PRP4K: variants seen among roughly 807,000 people sequenced by gnomAD.
The protein encoded by PRP4K is pre-mRNA processing factor kinase PRP4K, also known as serine/threonine-protein kinase PRP4 homolog.
chr6:4,039,869 T>C, the PRP4K span, among the ~76,000 whole-genome samples: 4 of 137,980 alleles, frequency 2.9e-5, no homozygotes, highest in African/African-American at 1.1e-4. Flanking sequence ...ATCTTTCTCT[T>C]TTCTCTCTCT....
At chr6:4,032,055 A>G in the PRP4K span, 2 of 1,614,048 alleles carry the variant, frequency 1.2e-6, no homozygotes, top group Admixed American at 1.7e-5. Context: ...TAAAATTACT[A>G]CAAAGAAACG....
At chr6:4,045,350 C>T in the PRP4K span, among the ~76,000 whole-genome samples, 5 of 152,232 alleles carry the variant, frequency 3.3e-5, no homozygotes, top group South Asian at 2.1e-4. Context: ...TATAGTTTAC[C>T]GACTCCTGCT....
chr6:4,060,699 A>AT, the PRP4K span: 1 of 1,230,442 alleles, frequency 8.1e-7, no homozygotes. This position sits in a 1 kb window ranked among gnomAD's most constrained non-coding sequence, Gnocchi z 4.7. Flanking sequence ...ATATAAACTT[A>AT]TAAATATTTC....
chr6:4,029,366 CAG>C, the PRP4K span, among the ~76,000 whole-genome samples: 1 of 120,648 alleles, frequency 8.3e-6, no homozygotes. Flanking sequence ...TTTTTAAAGA[CAG>C]GGTCTTGCTC....
At chr6:4,036,225 T>C in the PRP4K span, among the ~76,000 whole-genome samples, 2 of 152,044 alleles carry the variant, frequency 1.3e-5, no homozygotes, top group African/African-American at 4.8e-5. Context: ...TTGTGGGGTT[T>C]TTCTGGGGAG....
the PRP4K span, among the ~76,000 whole-genome samples, chr6:4,035,981 T>C: frequency 2.0e-5 from 3 of 149,330 alleles, no homozygotes; most frequent in African/African-American, 7.5e-5. Flanking sequence ...ATAATAATAA[T>C]AATAAATGAG....
At chr6:4,042,710 T>C in the PRP4K span, 1 of 599,092 alleles carries the variant, frequency 1.7e-6, no homozygotes, top group Non-Finnish European at 2.7e-6. Context: ...TTTGAAAAAA[T>C]GATCTTTTTT....
the PRP4K span, chr6:4,048,916 T>C: frequency 5.8e-6 from 4 of 694,938 alleles, no homozygotes; most frequent in Admixed American, 1.4e-4. Context: ...TAAAATGCTT[T>C]TATTAAATTA....
chr6:4,057,818 G>A, the PRP4K span, among the ~76,000 whole-genome samples: 1 of 140,606 alleles, frequency 7.1e-6, no homozygotes, highest in African/African-American at 2.7e-5. Context: ...GCAGTGGCGC[G>A]ATCTCAGCTT....
At chr6:4,052,886 G>A in the PRP4K span, 3 of 1,595,852 alleles carry the variant, frequency 1.9e-6, no homozygotes, top group East Asian at 2.2e-5. Flanking sequence ...AAGTCAAACA[G>A]CCAAGCTGCG....
chr6:4,028,004 A>G, the PRP4K span, among the ~76,000 whole-genome samples: 1 of 152,156 alleles, frequency 6.6e-6, no homozygotes, highest in African/African-American at 2.4e-5. Flanking sequence ...AATTTTTCTC[A>G]GACTTTTCCC....
chr6:4,056,506 C>T, the PRP4K span: 1 of 1,610,732 alleles, frequency 6.2e-7, no homozygotes, highest in Non-Finnish European at 8.5e-7. Flanking sequence ...TGTCTAAGCA[C>T]TGTTTTCCAT....
chr6:4,054,292 T>G, the PRP4K span, among the ~76,000 whole-genome samples: 1 of 152,208 alleles, frequency 6.6e-6, no homozygotes, highest in Non-Finnish European at 1.5e-5. Context: ...ATATTTCTTT[T>G]TCTTTTTTGT....
At chr6:4,047,190 A>G in the PRP4K span, 1,365 of 1,611,174 alleles carry the variant, frequency 8.5e-4, 16 homozygotes, top group Non-Finnish European at 9.2e-5. Flanking sequence ...TCTCAGAAGA[A>G]GTTGTTGGCA....
the PRP4K span, among the ~76,000 whole-genome samples, chr6:4,055,925 C>T: frequency 1.3e-5 from 2 of 152,286 alleles, no homozygotes; most frequent in Admixed American, 1.3e-4. Context: ...CATTGTAATT[C>T]TCTGGCAACT....
At chr6:4,046,055 T>G in the PRP4K span, among the ~76,000 whole-genome samples, 1 of 152,262 alleles carries the variant, frequency 6.6e-6, no homozygotes, top group African/African-American at 2.4e-5. Flanking sequence ...ATATTTGAAT[T>G]GTGTCCAGTT....
the PRP4K span, among the ~76,000 whole-genome samples, chr6:4,048,322 T>A: frequency 7.0e-6 from 1 of 142,640 alleles, no homozygotes; most frequent in South Asian, 2.2e-4. Context: ...GAGCTTGCAG[T>A]GAGCGGAGAT....
the PRP4K span, among the ~76,000 whole-genome samples, chr6:4,023,983 CAGCCTCCCGAGT>C: frequency 2.6e-4 from 40 of 152,116 alleles, no homozygotes; most frequent in Middle Eastern, 3.4e-3. Context: ...TCTCCTGCCT[CAGCCTCCCGAGT>C]AGCTGGGATT....
chr6:4,028,709 A>G, the PRP4K span, among the ~76,000 whole-genome samples: 2 of 152,158 alleles, frequency 1.3e-5, no homozygotes, highest in African/African-American at 4.8e-5. Flanking sequence ...CCAGAAATGG[A>G]AGTTGGCAAT....
Sources: gnomAD v4.1 joint callset for allele counts (sites outside exome capture counted in the v4.1 genomes callset) on GRCh38, gnomAD v4.1.1 for gene constraint, Gnocchi (gnomAD v3.1) non-coding constraint, MANE v1.5 for transcripts, NCBI Gene and HGNC (gene_info 2026-07-23, HGNC 2026-07-21) for gene names.